Variants in HPSE observed in about 807,000 individuals in gnomAD.
The protein encoded by HPSE is heparanase, also known as endo-glucoronidase.
Under a neutral mutation model 65.1 loss-of-function variants are expected in HPSE, and 48 were observed. The observed-to-expected ratio is 0.74, with a 90% CI of 0.58 to 0.94. HPSE has a LOEUF of 0.94. Among genes scored for constraint, HPSE ranks in the 40% least tolerant of loss-of-function variants. HPSE has a pLI of 0.00. For missense variants in HPSE, 644 were observed against 637.5 expected (o/e 1.01, Z -0.11); for synonymous variants, 243 against 260.0 (o/e 0.93, Z 0.63).
rs1274225802 is a variant in HPSE, at chr4:83,319,380, G to C, written c.463C>G (p.His155Asp). The C allele has an allele frequency of 6.2e-7, 1 of 1,613,786 alleles. No homozygotes were observed. Among genetic ancestry groups the C allele is most frequent in the African/African-American group, 1.3e-5 (1 of 74,858 alleles). ...PYQEQLLLREHYQKKFKNSTY... is the reference protein window; with the variant it reads ...PYQEQLLLREDYQKKFKNSTY... The stretch of plus-strand genomic sequence containing the variant: ...CTGTTCTTGAACTTTTTCTGGTAGT[G>C]TTCTCGGAGTAGCAATTGCTCCTGG... The change falls in exon 3 of 12, where the codon CAC (histidine) becomes GAC (aspartate). Residue 155 changes from histidine to aspartate, a missense_variant. His to Asp is a moderately conservative substitution (Grantham distance 81). Transcript: ENST00000311412.
rs1056353968 is a variant in HPSE, at chr4:83,326,913, G to A, written c.228-4549C>T. Among the ~76,000 whole-genome samples, 6 of 152,188 alleles carry A rather than the reference G, an allele frequency of 3.9e-5. No individual in the cohort carries two copies. Among genetic ancestry groups the A allele is most frequent in the African/African-American group, 1.4e-4 (6 of 41,438 alleles). On this transcript the variant is annotated intron_variant, in intron 1 of 11. Coordinates refer to ENST00000311412, the MANE Select transcript of HPSE (RefSeq NM_001098540.3). The surrounding 1 kb of genome is among the most constrained non-coding windows in gnomAD (Gnocchi z 4.2). Reference sequence around the variant, plus strand: ...AAAAGTTGCTGTGGCATCACATGACGGGCATCTGTGAGTGACCTGGGTCAC... The same window carrying A: ...AAAAGTTGCTGTGGCATCACATGACAGGCATCTGTGAGTGACCTGGGTCAC...
In HPSE at chr4:83,294,601, T is replaced by A. The variant is rs980275517; in HGVS notation, c.*743A>T. ...AGCGAGACCCCATCTCTACAAAAAATTTTTTAAAAATAGCCAAGTGTGATG... is the reference window on the plus strand; with the variant it reads ...AGCGAGACCCCATCTCTACAAAAAAATTTTTAAAAATAGCCAAGTGTGATG... On this transcript the variant is annotated 3_prime_UTR_variant, in exon 12 of 12. Transcript: ENST00000311412. 2.0e-5 allele frequency: 3 copies of A among 151,934 alleles called. No homozygotes were observed. Among genetic ancestry groups the A allele is most frequent in the African/African-American group, 2.4e-5 (1 of 41,220 alleles). The allele number at this position is 151,934 out of a possible 1,614,324, so 9.4% of individuals were successfully genotyped here.
In HPSE at chr4:83,311,188, A is replaced by G. The variant is rs915955207; in HGVS notation, c.674-298T>C. 1.3e-5 allele frequency among the ~76,000 whole-genome samples: 2 copies of G among 152,010 alleles called. 1 individual carries two copies. The highest frequency in any genetic ancestry group is 4.1e-4 in the South Asian group (2 of 4,826). On this transcript the variant is annotated intron_variant, in intron 4 of 11. Transcript: ENST00000311412. Reference sequence around the variant, plus strand: ...GCTAGATGTGGTGGTGCATGCCTGTAGTCTCAGCTTGGGAGGCTGAGGGAG... The same window carrying G: ...GCTAGATGTGGTGGTGCATGCCTGTGGTCTCAGCTTGGGAGGCTGAGGGAG...
intron 11 of HPSE, among the ~76,000 whole-genome samples, chr4:83,299,197 C>T (rs1218690942): frequency 6.6e-6 from 1 of 151,634 alleles, no homozygotes; most frequent in Admixed American, 6.6e-5. Context: ...AACCTCATCT[C>T]TACTAAAAAT....
At chr4:83,328,453 G>A (rs1007508259) in intron 1 of HPSE, among the ~76,000 whole-genome samples, 4 of 152,132 alleles carry the variant, frequency 2.6e-5, no homozygotes, top group East Asian at 1.9e-4. Context: ...AACTAATAAC[G>A]TCTGCAATGA....
In HPSE at chr4:83,300,610, C is replaced by G. The variant is rs1410345301; in HGVS notation, c.1472+350G>C. ...CGGGCAGATCACGAGGTCAGGAGAT[C>G]GAGACCCATCCGGGCTAAAACGGTG... On this transcript the variant is annotated intron_variant, in intron 11 of 11. Transcript: ENST00000311412. Among the ~76,000 whole-genome samples, 11 of 23,562 alleles carry G rather than the reference C, an allele frequency of 4.7e-4. 3 individuals carry two copies. Among genetic ancestry groups the G allele is most frequent in the African/African-American group, 5.7e-4 (8 of 13,918 alleles). 15.5% of individuals were successfully genotyped at this position (23,562 alleles called of 152,430 possible). A position where few individuals can be genotyped will look rare whatever the true frequency, so the allele number is the denominator to read the frequency against.
At chr4:83,327,837 C>T (rs1190263316) in intron 1 of HPSE, among the ~76,000 whole-genome samples, 1 of 152,184 alleles carries the variant, frequency 6.6e-6, no homozygotes, top group Non-Finnish European at 1.5e-5. Flanking sequence ...CAACCAGTCT[C>T]CCCTCTTCCC....
chr4:83,333,437 G>T (rs148147320), intron 1 of HPSE, among the ~76,000 whole-genome samples: 2 of 152,166 alleles, frequency 1.3e-5, no homozygotes, highest in Admixed American at 1.3e-4. Context: ...TTAAATTAGC[G>T]CTGGCAACTA....
At chr4:83,306,144 G>A in intron 9 of HPSE, 59 bp downstream of exon 9, 1 of 963,370 alleles carries the variant, frequency 1.0e-6, no homozygotes, top group Non-Finnish European at 1.7e-6. Context: ...GTTAACACCA[G>A]AGGTCCTGAG....
At chr4:83,305,206 G>A (rs900068829) in intron 9 of HPSE, among the ~76,000 whole-genome samples, 24 of 152,164 alleles carry the variant, frequency 1.6e-4, no homozygotes, top group Non-Finnish European at 3.4e-4. Context: ...TCTGGGCCCT[G>A]GGAAAATTTG....
chr4:83,305,326 T>G (rs891014246), intron 9 of HPSE, among the ~76,000 whole-genome samples: 32 of 152,186 alleles, frequency 2.1e-4, no homozygotes, highest in African/African-American at 7.7e-4. Flanking sequence ...ATAAATTCCA[T>G]TTTTGCAAGA....
At chr4:83,296,535 C>A (rs1735728083) in intron 11 of HPSE, among the ~76,000 whole-genome samples, 1 of 151,904 alleles carries the variant, frequency 6.6e-6, no homozygotes, top group South Asian at 2.1e-4. Flanking sequence ...ATTAGCCGGG[C>A]ATGGTGGTGT....
intron 1 of HPSE, among the ~76,000 whole-genome samples, chr4:83,332,828 T>C (rs1036740677): frequency 6.6e-6 from 1 of 152,032 alleles, no homozygotes; most frequent in Non-Finnish European, 1.5e-5. Context: ...TGGGGAGAGG[T>C]TGGGGAATAT....
chr4:83,325,154 T>A (rs1737097504), intron 1 of HPSE, among the ~76,000 whole-genome samples: 1 of 141,668 alleles, frequency 7.1e-6, no homozygotes, highest in Non-Finnish European at 1.5e-5. Context: ...TGTGTGTGTG[T>A]GTGTGTGTGT....
At chr4:83,323,849 C>A (rs1417865648) in intron 1 of HPSE, among the ~76,000 whole-genome samples, 1 of 152,120 alleles carries the variant, frequency 6.6e-6, no homozygotes, top group African/African-American at 2.4e-5. Flanking sequence ...ATAATCCCTT[C>A]CCTCAAAAAG....
In HPSE at chr4:83,334,810, C is replaced by G; in HGVS notation, c.-28G>C. On this transcript the variant is annotated 5_prime_UTR_variant, in exon 1 of 12. Transcript: ENST00000311412. ...TGGGCTCACCTGGCTGCTCCCCCCG[C>G]CAGCTGCCGCGCAGCGGAGAGTCGA... 6.7e-7 allele frequency: 1 copy of G among 1,486,720 alleles called. No individual in the cohort carries two copies. The allele number at this position is 1,486,720 out of a possible 1,614,324, so 92.1% of individuals were successfully genotyped here.
rs183947666 is a variant in HPSE, at chr4:83,334,610, G to T, written c.173C>A (p.Ser58Tyr). 1.3e-6 allele frequency: 2 copies of T among 1,593,690 alleles called. No homozygotes were observed. Among genetic ancestry groups the T allele is most frequent in the African/African-American group, 1.3e-5 (1 of 74,728 alleles). Residue 58 changes from serine (S) to tyrosine (Y), a missense_variant, in exon 1 of 12, where the codon TCC becomes TAC. Coordinates refer to ENST00000311412, the MANE Select transcript of HPSE (RefSeq NM_001098540.3). Reference protein sequence around the residue: ...PLHLVSPSFLSVTIDANLATD... With the variant: ...PLHLVSPSFLYVTIDANLATD... ...GGCCAGGTTGGCGTCAATGGTGACG[G>T]ACAGGAACGAGGGGCTCACCAGGTG...
chr4:83,299,979 A>C (rs925656598), intron 11 of HPSE, among the ~76,000 whole-genome samples: 5 of 152,214 alleles, frequency 3.3e-5, no homozygotes, highest in Non-Finnish European at 5.9e-5. Context: ...TTGGGATTAC[A>C]GGCATGAGCC....
At chr4:83,330,815 T>A (rs1453159221) in intron 1 of HPSE, among the ~76,000 whole-genome samples, 1 of 152,212 alleles carries the variant, frequency 6.6e-6, no homozygotes, top group African/African-American at 2.4e-5. Flanking sequence ...CGTGCATTAG[T>A]GAACTATGCT....
Sources: allele counts gnomAD v4.1 joint callset (sites outside exome capture counted in the v4.1 genomes callset), GRCh38; gene constraint gnomAD v4.1.1; non-coding constraint Gnocchi (gnomAD v3.1); transcripts MANE v1.5; gene names NCBI Gene and HGNC (gene_info 2026-07-23, HGNC 2026-07-21).